Variants in MAPK4 observed in about 807,000 individuals in gnomAD.
MAPK4 encodes the protein mitogen-activated protein kinase 4.
MAPK4 carries 22 observed loss-of-function variants against 47.7 expected under a neutral mutation model. The ratio of observed to expected loss-of-function variants is 0.46; its 90% confidence interval spans 0.33 to 0.66. The LOEUF (loss-of-function observed/expected upper bound fraction) is 0.66. MAPK4 is among the 30% of genes least tolerant of loss of function. The probability of loss-of-function intolerance (pLI) is 0.02; values close to 1 mark genes in which losing one functional copy is unlikely to be tolerated. For synonymous variants in MAPK4, 390 were observed against 365.7 expected, an observed-to-expected ratio of 1.07 and a Z score of -0.76; for missense variants, 736 against 831.7, an observed-to-expected ratio of 0.88 and a Z score of 1.42.
At position 50,664,244 on chromosome 18, in the gene MAPK4, T is replaced by C. The variant is rs950749935; in HGVS notation, c.286T>C (p.Phe96Leu). 4 of 1,613,930 alleles carry C rather than the reference T, an allele frequency of 2.5e-6. No individual in the cohort carries two copies. Among genetic ancestry groups the C allele is most frequent in the African/African-American group, 2.7e-5 (2 of 75,032 alleles). Residue 96 changes from phenylalanine (F) to leucine (L), a missense_variant, in exon 2 of 6, where the codon TTC (phenylalanine) becomes CTC (leucine). By Grantham distance (22) the Phe-to-Leu change is conservative (BLOSUM62 0). Transcript: ENST00000400384. The surrounding 1 kb of genome is among the most constrained non-coding windows in gnomAD (Gnocchi z 6.0). Reference protein sequence around the residue: ...PKGTDLQGELFKFSVAYIVQE... With the variant: ...PKGTDLQGELLKFSVAYIVQE... Reference sequence around the variant, plus strand: ...GGGCACTGACCTGCAGGGTGAGCTGTTCAAGTTCAGCGTGGCGTACATCGT... The same window carrying C: ...GGGCACTGACCTGCAGGGTGAGCTGCTCAAGTTCAGCGTGGCGTACATCGT...
intron 1 of MAPK4, among the ~76,000 whole-genome samples, chr18:50,620,734 A>G (rs1016881215): frequency 2.6e-5 from 4 of 152,004 alleles, no homozygotes; most frequent in Non-Finnish European, 5.9e-5. Context: ...GTGAGACTCT[A>G]TCTCTATAAA....
intron 1 of MAPK4, among the ~76,000 whole-genome samples, chr18:50,565,279 G>A (rs566621072): frequency 1.3e-5 from 2 of 152,330 alleles, no homozygotes; most frequent in Non-Finnish European, 2.9e-5. Context: ...CACATGAGCA[G>A]CATCATAGGT....
chr18:50,576,749 TC>T (rs2042300832), intron 1 of MAPK4, among the ~76,000 whole-genome samples: 1 of 152,190 alleles, frequency 6.6e-6, no homozygotes. Context: ...TCTGTGGAAG[TC>T]CCTAGGACAG....
chr18:50,622,750 A>G (rs1156269481), intron 1 of MAPK4, among the ~76,000 whole-genome samples: 1 of 152,242 alleles, frequency 6.6e-6, no homozygotes, highest in Non-Finnish European at 1.5e-5. Flanking sequence ...ATAATAATGA[A>G]CCAGGCTGCA....
intron 1 of MAPK4, among the ~76,000 whole-genome samples, chr18:50,587,785 G>A (rs2042401471): frequency 6.6e-6 from 1 of 152,196 alleles, no homozygotes; most frequent in African/African-American, 2.4e-5. Flanking sequence ...CTGTAGTGCA[G>A]TGGCGCGATC....
chr18:50,619,405 C>G (rs550921906), intron 1 of MAPK4, among the ~76,000 whole-genome samples: 7 of 152,358 alleles, frequency 4.6e-5, no homozygotes, highest in African/African-American at 1.7e-4. Flanking sequence ...CCTTGAACTC[C>G]TGGACCCAAG....
chr18:50,711,824 GT>G (rs35984682), intron 2 of MAPK4, among the ~76,000 whole-genome samples: 34,382 of 140,854 alleles, frequency 0.24, 3,998 homozygotes, highest in Non-Finnish European at 0.32. Context: ...ATTCTTTAAA[GT>G]TTTTTTTTTT....
Position 50,631,109 on chromosome 18 carries a change from C to G in MAPK4, c.-870-31980C>G, listed in dbSNP as rs559627402. 3.0e-4 allele frequency among the ~76,000 whole-genome samples: 45 copies of G among 152,338 alleles called. No individual in the cohort carries two copies. The South Asian group carries it at 6.2e-3, about 21-fold the overall frequency. ...ATGCACATTCCCGGCCGAGGTCAGA[C>G]AGGGTGACACGCTGCCTTCTGGTTT... is the stretch of plus-strand genomic sequence containing the variant. On this transcript the variant is annotated intron_variant, in intron 1 of 5. Coordinates refer to ENST00000400384, the MANE Select transcript of MAPK4 (RefSeq NM_002747.4).
In MAPK4 at chr18:50,664,231, G is replaced by T; in HGVS notation, c.273G>T (p.Leu91=). 6.2e-7 allele frequency: 1 copy of T among 1,614,040 alleles called. No homozygotes were observed. The highest frequency in any genetic ancestry group is 8.5e-7 in the Non-Finnish European group (1 of 1,180,032). The part of the protein sequence containing the change: ...YEVLGPKGTD[L]QGELFKFSVA... ...TGCTCGGTCCCAAGGGCACTGACCT[G>T]CAGGGTGAGCTGTTCAAGTTCAGCG... is the stretch of plus-strand genomic sequence containing the variant. Residue 91 remains leucine, a synonymous_variant, in exon 2 of 6, where the codon CTG becomes CTT. Coordinates refer to ENST00000400384, the MANE Select transcript of MAPK4 (RefSeq NM_002747.4). The surrounding 1 kb of genome is among the most constrained non-coding windows in gnomAD (Gnocchi z 6.0).
At chr18:50,666,902 C>G (rs758495331) in intron 2 of MAPK4, among the ~76,000 whole-genome samples, 3 of 152,018 alleles carry the variant, frequency 2.0e-5, no homozygotes, top group Non-Finnish European at 4.4e-5. Context: ...TAAATCAGTT[C>G]TCGTTTAATC....
intron 1 of MAPK4, among the ~76,000 whole-genome samples, chr18:50,614,341 A>G (rs996969310): frequency 6.6e-6 from 1 of 152,144 alleles, no homozygotes; most frequent in Admixed American, 6.5e-5. Context: ...ATCAAAATTA[A>G]AACATTCTAA....
chr18:50,649,048 T>G (rs952491780), intron 1 of MAPK4, among the ~76,000 whole-genome samples: 6 of 152,248 alleles, frequency 3.9e-5, no homozygotes, highest in African/African-American at 1.4e-4. Flanking sequence ...TTGTTTTGCT[T>G]TTTGTTTTAT....
Position 50,664,787 on chromosome 18 carries a change from C to A in MAPK4, c.546+283C>A, listed in dbSNP as rs1241538403. On this transcript the variant is annotated intron_variant, in intron 2 of 5. Coordinates refer to ENST00000400384, the MANE Select transcript of MAPK4 (RefSeq NM_002747.4). This position sits in a 1 kb window ranked among gnomAD's most constrained non-coding sequence, Gnocchi z 6.0. The stretch of plus-strand genomic sequence containing the variant: ...CCAAAATTTCTTCCAGCTCTAAATT[C>A]TATGGCTTGAAAACTATGTGGTTGG... 6.6e-6 allele frequency among the ~76,000 whole-genome samples: 1 copy of A among 152,198 alleles called. No homozygotes were observed. Among genetic ancestry groups the A allele is most frequent in the African/African-American group, 2.4e-5 (1 of 41,444 alleles).
In MAPK4 at chr18:50,664,336, C is replaced by A; in HGVS notation, c.378C>A (p.Ala126=). ...AGGGCACGCTGGCAGAAGAGCATGC[C>A]AAGCTGTTCATGTACCAGCTGCTCC... ...LEQGTLAEEH[A]KLFMYQLLRG... Residue 126 remains alanine (A), a synonymous_variant, in exon 2 of 6, where the codon GCC becomes GCA. Transcript: ENST00000400384. The surrounding 1 kb of genome is among the most constrained non-coding windows in gnomAD (Gnocchi z 6.0). 6.2e-7 allele frequency: 1 copy of A among 1,613,882 alleles called. No individual in the cohort carries two copies. Among genetic ancestry groups the A allele is most frequent in the South Asian group, 1.1e-5 (1 of 91,080 alleles).
intron 2 of MAPK4, among the ~76,000 whole-genome samples, chr18:50,709,499 G>A (rs1178878333): frequency 6.6e-6 from 1 of 152,216 alleles, no homozygotes; most frequent in Non-Finnish European, 1.5e-5. Context: ...GACACACATG[G>A]CCCTTCTGCA....
intron 1 of MAPK4, among the ~76,000 whole-genome samples, chr18:50,596,448 G>A (rs1331751814): frequency 6.6e-6 from 1 of 152,150 alleles, no homozygotes; most frequent in Non-Finnish European, 1.5e-5. Flanking sequence ...CATACCCAGA[G>A]CATTTTATGA....
At chr18:50,628,461 T>C (rs1224950982) in intron 1 of MAPK4, among the ~76,000 whole-genome samples, 1 of 152,216 alleles carries the variant, frequency 6.6e-6, no homozygotes, top group Non-Finnish European at 1.5e-5. Context: ...GTTGGCCTTT[T>C]GGGGGCCCGT....
Position 50,609,381 on chromosome 18 carries a change from C to T in MAPK4, c.-871+49138C>T, listed in dbSNP as rs527755208. Reference sequence around the variant, plus strand: ...CTCCCAGACGGGGCGGCTGGCCGGGCGGGGGCTGCCCCCCGCCTCCCTCCC... The same window carrying T: ...CTCCCAGACGGGGCGGCTGGCCGGGTGGGGGCTGCCCCCCGCCTCCCTCCC... On this transcript the variant is annotated intron_variant, in intron 1 of 5. Transcript: ENST00000400384. Among the ~76,000 whole-genome samples, 11 of 151,168 alleles carry T rather than the reference C, an allele frequency of 7.3e-5. No individual in the cohort carries two copies. The East Asian group carries it at 2.0e-3, about 27-fold the overall frequency.
intron 1 of MAPK4, among the ~76,000 whole-genome samples, chr18:50,581,189 C>T (rs976480337): frequency 1.2e-4 from 18 of 152,206 alleles, no homozygotes; most frequent in East Asian, 3.8e-4. Context: ...AAGCTTAAAA[C>T]GGCAAAGGTT....
Sources: allele counts gnomAD v4.1 joint callset (sites outside exome capture counted in the v4.1 genomes callset), GRCh38; gene constraint gnomAD v4.1.1; non-coding constraint Gnocchi (gnomAD v3.1); transcripts MANE v1.5; gene names NCBI Gene and HGNC (gene_info 2026-07-23, HGNC 2026-07-21).